PPP2R2B: variants seen among roughly 807,000 people sequenced by gnomAD.
PPP2R2B encodes the protein protein phosphatase 2 regulatory subunit Bbeta.
Under a neutral mutation model 46.0 loss-of-function variants are expected in PPP2R2B, and 5 were observed. The observed-to-expected ratio is 0.11, with a 90% CI of 0.06 to 0.23. PPP2R2B has a LOEUF of 0.23. PPP2R2B is among the 10% of genes least tolerant of loss of function. PPP2R2B has a pLI of 1.00. For missense variants in PPP2R2B, 367 were observed against 575.0 expected (o/e 0.64, Z 3.70); for synonymous variants, 215 against 206.7 (o/e 1.04, Z -0.34).
At chr5:147,014,922 T>G (rs1754927063) in intron 1 of PPP2R2B, among the ~76,000 whole-genome samples, 1 of 152,000 alleles carries the variant, frequency 6.6e-6, no homozygotes, top group African/African-American at 2.4e-5. Context: ...AAAATGAATT[T>G]CATAGACTGG....
intron 2 of PPP2R2B, among the ~76,000 whole-genome samples, chr5:146,796,368 CT>C (rs34787816): frequency 6.6e-6 from 1 of 152,132 alleles, no homozygotes; most frequent in Non-Finnish European, 1.5e-5. Flanking sequence ...GTGCAATGCA[CT>C]TTTTACCAAG....
chr5:146,819,255 T>C (rs1342840600), intron 2 of PPP2R2B, among the ~76,000 whole-genome samples: 3 of 152,242 alleles, frequency 2.0e-5, no homozygotes, highest in Non-Finnish European at 4.4e-5. Flanking sequence ...GAGATAAAGA[T>C]GTTTTTTCTT....
intron 2 of PPP2R2B, among the ~76,000 whole-genome samples, chr5:146,761,169 T>A (rs1266057342): frequency 6.6e-6 from 1 of 152,182 alleles, no homozygotes. Flanking sequence ...ACTGGATATA[T>A]ACCCAAAGGA....
chr5:147,014,651 C>T (rs1467750962), intron 1 of PPP2R2B, among the ~76,000 whole-genome samples: 1 of 151,406 alleles, frequency 6.6e-6, no homozygotes, highest in Non-Finnish European at 1.5e-5. Flanking sequence ...AAACCAAACA[C>T]CGCATATTCT....
chr5:146,964,062 G>C (rs994330634), intron 1 of PPP2R2B, among the ~76,000 whole-genome samples: 2 of 152,174 alleles, frequency 1.3e-5, no homozygotes, highest in African/African-American at 4.8e-5. Flanking sequence ...AAGTCAGCTG[G>C]ACACTGGGGT....
rs143876253 is a variant in PPP2R2B, at chr5:146,958,162, G to C, written c.79+97503C>G. Among the ~76,000 whole-genome samples the C allele has an allele frequency of 3.9e-5, 6 of 152,058 alleles. No individual in the cohort carries two copies. The East Asian group carries it at 1.2e-3, about 29-fold the overall frequency. On this transcript the variant is annotated intron_variant, in intron 1 of 8. Coordinates refer to the PPP2R2B transcript ENST00000336640. The stretch of plus-strand genomic sequence containing the variant: ...AGCAGACATTAATCGCAGATCTCCC[G>C]AAGGCCCCACCCTTTCAGATTCCAG...
At chr5:146,930,820 T>C (rs1763944306) in intron 1 of PPP2R2B, among the ~76,000 whole-genome samples, 3 of 152,346 alleles carry the variant, frequency 2.0e-5, no homozygotes, top group Admixed American at 6.5e-5. Flanking sequence ...TAAAATTTCT[T>C]TTTTATGTAT....
chr5:146,859,856 A>G (rs1237549633), intron 2 of PPP2R2B, among the ~76,000 whole-genome samples: 4 of 152,178 alleles, frequency 2.6e-5, no homozygotes, highest in Non-Finnish European at 5.9e-5. Context: ...TGGCCTATGT[A>G]TAGATTAGAA....
At chr5:146,896,032 G>T (rs1035332674) in intron 1 of PPP2R2B, among the ~76,000 whole-genome samples, 1 of 152,120 alleles carries the variant, frequency 6.6e-6, no homozygotes, top group East Asian at 1.9e-4. Flanking sequence ...CTGAGTGGTC[G>T]CCTGGCTCTG....
chr5:146,961,653 T>A (rs372958718), intron 1 of PPP2R2B, among the ~76,000 whole-genome samples: 1 of 152,200 alleles, frequency 6.6e-6, no homozygotes, highest in Admixed American at 6.5e-5. Flanking sequence ...CTTTTATATG[T>A]TAAGAGTATT....
chr5:146,748,650 CTTTT>C (rs900951387), intron 2 of PPP2R2B, among the ~76,000 whole-genome samples: 34 of 152,048 alleles, frequency 2.2e-4, no homozygotes, highest in African/African-American at 8.0e-4. Context: ...TTGGAATTGG[CTTTT>C]TTTTCCCTCA....
intron 5 of PPP2R2B, among the ~76,000 whole-genome samples, chr5:146,671,054 A>G (rs1777331915): frequency 6.6e-6 from 1 of 152,240 alleles, no homozygotes; most frequent in East Asian, 1.9e-4. Flanking sequence ...AAATATTAAC[A>G]TCAAACTGAG....
chr5:146,882,687 C>A (rs983868696), upstream of PPP2R2B, among the ~76,000 whole-genome samples: 3 of 152,206 alleles, frequency 2.0e-5, no homozygotes, highest in African/African-American at 7.2e-5. Flanking sequence ...CTATGTCAGA[C>A]ACTGGGATAG....
chr5:146,768,486 A>G (rs1754629281), intron 2 of PPP2R2B, among the ~76,000 whole-genome samples: 1 of 151,984 alleles, frequency 6.6e-6, no homozygotes, highest in Non-Finnish European at 1.5e-5. Context: ...GCTCAGACCA[A>G]CCTCATCTCT....
chr5:146,994,956 G>A (rs779892759), intron 1 of PPP2R2B, among the ~76,000 whole-genome samples: 1 of 152,122 alleles, frequency 6.6e-6, no homozygotes, highest in Non-Finnish European at 1.5e-5. Flanking sequence ...AGAATTCTTG[G>A]GAACCTATAT....
chr5:146,643,855 A>G (rs1775392918), intron 6 of PPP2R2B, among the ~76,000 whole-genome samples: 1 of 152,270 alleles, frequency 6.6e-6, no homozygotes, highest in Admixed American at 6.5e-5. Flanking sequence ...GTGTGAGTCC[A>G]TATCCTAAAC....
At chr5:146,604,869 T>C (rs1772117629) in intron 7 of PPP2R2B, among the ~76,000 whole-genome samples, 1 of 152,142 alleles carries the variant, frequency 6.6e-6, no homozygotes, top group Non-Finnish European at 1.5e-5. Context: ...TTTGTCAATA[T>C]TGTTTCCCTG....
At chr5:146,921,454 G>A (rs983920335) in intron 1 of PPP2R2B, among the ~76,000 whole-genome samples, 2 of 152,122 alleles carry the variant, frequency 1.3e-5, no homozygotes, top group African/African-American at 2.4e-5. Context: ...CCAGCAACTC[G>A]CATTCCCTAG....
intron 1 of PPP2R2B, among the ~76,000 whole-genome samples, chr5:147,026,536 A>G (rs1241648634): frequency 6.6e-6 from 1 of 152,138 alleles, no homozygotes; most frequent in African/African-American, 2.4e-5. Flanking sequence ...ATGTGTATAT[A>G]TCTCTCTATA....
Sources: allele counts gnomAD v4.1 joint callset (sites outside exome capture counted in the v4.1 genomes callset), GRCh38; gene constraint gnomAD v4.1.1; transcripts MANE v1.5; gene names NCBI Gene and HGNC (gene_info 2026-07-23, HGNC 2026-07-21).